The following PNPLA1 variants were observed in gnomAD, a reference collection of about 807,000 sequenced individuals.
The protein encoded by PNPLA1 is omega-hydroxyceramide transacylase.
Under a neutral mutation model 51.7 loss-of-function variants are expected in PNPLA1, and 36 were observed. The observed-to-expected ratio is 0.70, with a 90% CI of 0.53 to 0.92. The LOEUF is 0.92. PNPLA1 is among the 40% of genes least tolerant of loss of function. The pLI, the probability that PNPLA1 is intolerant of heterozygous loss-of-function variation, is 0.00. For missense variants in PNPLA1, 658 were observed against 682.5 expected (o/e 0.96, Z 0.40); for synonymous variants, 293 against 280.1 (o/e 1.05, Z -0.46).
At position 36,302,080 on chromosome 6, in the gene PNPLA1, T is replaced by C; in HGVS notation, c.995T>C (p.Val332Ala). 6.2e-7 allele frequency: 1 copy of C among 1,614,192 alleles called. No individual in the cohort carries two copies. The highest frequency in any genetic ancestry group is 8.5e-7 in the Non-Finnish European group (1 of 1,180,034). The part of the protein sequence containing the change: ...GSHGPPVSQP[V>A]QTLEFTCESP... ...CATGGTCCGCCTGTGTCCCAACCTG[T>C]GCAGACACTTGAATTCACATGCGAG... The change falls in exon 6 of 9, where the codon GTG (valine) becomes GCG (alanine). Residue 332 changes from valine to alanine, a missense_variant. Physicochemically the swap from Val to Ala is moderately conservative, Grantham distance 64. Coordinates refer to ENST00000636260, the MANE Select transcript of PNPLA1 (RefSeq NM_001374623.1).
chr6:36,308,973 G>T (rs919142362), intron 8 of PNPLA1, among the ~76,000 whole-genome samples: 1 of 152,120 alleles, frequency 6.6e-6, no homozygotes, highest in Non-Finnish European at 1.5e-5. Flanking sequence ...GAACAGACCT[G>T]CACTGCTATA....
Position 36,294,366 on chromosome 6 carries a change from G to A in PNPLA1, c.681G>A (p.Arg227=), listed in dbSNP as rs768340999. 1.2e-6 allele frequency: 2 copies of A among 1,614,166 alleles called. No individual in the cohort carries two copies. Among genetic ancestry groups the A allele is most frequent in the Non-Finnish European group, 1.7e-6 (2 of 1,180,028 alleles). The change falls in exon 4 of 9, where the codon AGG becomes AGA. Residue 227 remains arginine (R), a synonymous_variant. Transcript: ENST00000636260. The surrounding 1 kb of genome is among the most constrained non-coding windows in gnomAD (Gnocchi z 4.2). ...SFQFSLENIA[R]MTHALFPPDL... ...AGTTCTCCCTGGAGAACATCGCCAG[G>A]ATGACCCACGCATTGTTCCCCCCGG...
chr6:36,277,673 G>A (rs1459983446), intron 1 of PNPLA1, among the ~76,000 whole-genome samples: 3 of 152,198 alleles, frequency 2.0e-5, no homozygotes, highest in Non-Finnish European at 1.5e-5. Context: ...AGGCCAGACT[G>A]GGCAACAAAG....
rs767322248 is a variant in PNPLA1 at position 36,302,384 on chromosome 6, G to A, written c.1299G>A (p.Gly433=). ...CATCCCTGGGGCCTTCAACTGTGGG[G>A]GCACCTCAAACACTGCCCCGAAGTT... is the stretch of plus-strand genomic sequence containing the variant. ...PRPSLGPSTV[G]APQTLPRSSL... The change falls in exon 6 of 9, where the codon GGG becomes GGA. Residue 433 remains glycine, a synonymous_variant. Transcript: ENST00000636260. The A allele has an allele frequency of 2.2e-5, 36 of 1,600,726 alleles. No individual in the cohort carries two copies. The African/African-American group carries it at 4.0e-4, about 18-fold the overall frequency.
intron 5 of PNPLA1, among the ~76,000 whole-genome samples, chr6:36,300,846 A>G (rs1424437172): frequency 6.6e-6 from 1 of 152,226 alleles, no homozygotes; most frequent in African/African-American, 2.4e-5. Context: ...AAGCATCTAC[A>G]TAAATTACTA....
chr6:36,275,437 G>A (rs1770061948), intron 1 of PNPLA1, among the ~76,000 whole-genome samples: 3 of 152,158 alleles, frequency 2.0e-5, no homozygotes, highest in South Asian at 4.2e-4. Flanking sequence ...CTTCTACATT[G>A]TCTTTCAAAA....
intron 5 of PNPLA1, among the ~76,000 whole-genome samples, chr6:36,297,656 G>C (rs1246487308): frequency 6.6e-6 from 1 of 152,228 alleles, no homozygotes; most frequent in African/African-American, 2.4e-5. Context: ...TCTGCCAAAG[G>C]GAATGGCAGC....
chr6:36,250,363 C>T (rs1183974936), intron 1 of PNPLA1, among the ~76,000 whole-genome samples: 2 of 152,118 alleles, frequency 1.3e-5, no homozygotes, highest in African/African-American at 4.8e-5. Context: ...GAAGGAAAGC[C>T]CAAAAGCTGA....
chr6:36,276,429 A>T (rs1157851867), intron 1 of PNPLA1, among the ~76,000 whole-genome samples: 1 of 152,168 alleles, frequency 6.6e-6, no homozygotes, highest in Non-Finnish European at 1.5e-5. Context: ...GCACATGAAA[A>T]TGTTGTAAAA....
chr6:36,252,592 G>T (rs1769446485), intron 1 of PNPLA1, among the ~76,000 whole-genome samples: 1 of 150,834 alleles, frequency 6.6e-6, no homozygotes, highest in African/African-American at 2.4e-5. Context: ...CCCAAGGGAA[G>T]ACACAGGTAC....
intron 8 of PNPLA1, chr6:36,308,739 T>C (rs534393143): frequency 6.6e-6 from 1 of 152,342 alleles, no homozygotes; most frequent in East Asian, 1.9e-4. Context: ...TAAAGCCCCA[T>C]GCATGTATAC....
In PNPLA1 at chr6:36,270,664, G is replaced by A; in HGVS notation, c.205G>A (p.Asp69Asn). 1 of 1,550,490 alleles carries A rather than the reference G, an allele frequency of 6.4e-7. No individual in the cohort carries two copies. The highest frequency in any genetic ancestry group is 1.2e-5 in the South Asian group (1 of 84,014). The change falls in exon 1 of 9, where the codon GAT becomes AAT. Residue 69 changes from aspartate to asparagine, a missense_variant and splice_region_variant. Coordinates refer to ENST00000636260, the MANE Select transcript of PNPLA1 (RefSeq NM_001374623.1). ...AALAICGIEM[D>N]EYLRVLNVGV... is the part of the protein sequence containing the mutation. The stretch of plus-strand genomic sequence containing the variant: ...CCTGGCCATCTGCGGGATTGAAATG[G>A]GTGAGGCCTGTGTTCTGGGTCCCCT...
chr6:36,307,767 G>A (rs1582108452), intron 8 of PNPLA1, 55 bp downstream of exon 8: 3 of 1,602,804 alleles, frequency 1.9e-6, no homozygotes, highest in Non-Finnish European at 2.6e-6. Flanking sequence ...TTTGGGAACT[G>A]TGTTCAGAGA....
intron 1 of PNPLA1, among the ~76,000 whole-genome samples, chr6:36,288,812 C>G (rs1015976008): frequency 6.6e-6 from 1 of 152,130 alleles, no homozygotes; most frequent in Admixed American, 6.5e-5. Context: ...TGGCACATGC[C>G]TGTAATCCCA....
At chr6:36,274,574 C>T (rs1372448990) in intron 1 of PNPLA1, among the ~76,000 whole-genome samples, 1 of 152,156 alleles carries the variant, frequency 6.6e-6, no homozygotes, top group Admixed American at 6.5e-5. Flanking sequence ...CTCCCATGCT[C>T]ACATGACATG....
At chr6:36,306,114 G>A (rs1042018175) in intron 6 of PNPLA1, among the ~76,000 whole-genome samples, 178 bp from the exon 7 acceptor site, 6 of 152,132 alleles carry the variant, frequency 3.9e-5, no homozygotes, top group African/African-American at 1.2e-4. Context: ...CAGATGCCGC[G>A]GGCCTGCGTC....
intron 1 of PNPLA1, among the ~76,000 whole-genome samples, chr6:36,257,812 A>G (rs1253191106): frequency 6.6e-6 from 1 of 152,108 alleles, no homozygotes; most frequent in African/African-American, 2.4e-5. Flanking sequence ...TCTAATGTCA[A>G]GCATCTTTGA....
At chr6:36,282,092 G>GAAAGAAAGAAAA in intron 1 of PNPLA1, among the ~76,000 whole-genome samples, 1 of 40,718 alleles carries the variant, frequency 2.5e-5, no homozygotes, top group African/African-American at 1.2e-4. Context: ...AAAGAAAGAA[G>GAAAGAAAGAAAA]GAAGGAAGGA....
At chr6:36,267,540 G>A (rs1227233406), upstream of PNPLA1, among the ~76,000 whole-genome samples, 1 of 152,184 alleles carries the variant, frequency 6.6e-6, no homozygotes, top group African/African-American at 2.4e-5. Context: ...AAGCAGGTGG[G>A]GACAACGGGG....
Sources: gnomAD v4.1 joint callset for allele counts (sites outside exome capture counted in the v4.1 genomes callset) on GRCh38, gnomAD v4.1.1 for gene constraint, Gnocchi (gnomAD v3.1) non-coding constraint, MANE v1.5 for transcripts, NCBI Gene and HGNC (gene_info 2026-07-23, HGNC 2026-07-21) for gene names.